The following ARHGAP15 variants were observed in gnomAD, a reference collection of about 807,000 sequenced individuals.
ARHGAP15 encodes rho GTPase-activating protein 15.
In ARHGAP15, 51 loss-of-function variants were observed where a neutral mutation model predicts 63.7. The ratio of observed to expected loss-of-function variants is 0.80; its 90% CI spans 0.64 to 1.01. The LOEUF (loss-of-function observed/expected upper bound fraction) is 1.01, where lower values mean the gene tolerates loss of function less well. Among genes scored for constraint, ARHGAP15 ranks in the 50% least tolerant of loss-of-function variants. ARHGAP15 has a pLI of 0.00. For missense variants in ARHGAP15, 560 were observed against 564.6 expected (o/e 0.99, Z 0.08); for synonymous variants, 191 against 193.8 (o/e 0.99, Z 0.12).
intron 6 of ARHGAP15, among the ~76,000 whole-genome samples, chr2:143,259,084 A>G (rs923813616): frequency 6.6e-6 from 1 of 151,956 alleles, no homozygotes; most frequent in Non-Finnish European, 1.5e-5. Context: ...CATGCCCTTG[A>G]TCAAGTAAAA....
chr2:143,373,561 C>T (rs1389052747), intron 6 of ARHGAP15, among the ~76,000 whole-genome samples: 5 of 134,336 alleles, frequency 3.7e-5, no homozygotes, highest in South Asian at 2.5e-4. Context: ...GCTGGGGAGG[C>T]GGAGCTTGCA....
intron 2 of ARHGAP15, among the ~76,000 whole-genome samples, chr2:143,199,974 G>A (rs974211347): frequency 3.3e-5 from 5 of 152,040 alleles, no homozygotes; most frequent in Non-Finnish European, 7.4e-5. Flanking sequence ...TCCCTACCAC[G>A]TCCAATGGAC....
At chr2:143,536,693 G>A (rs1463536577) in intron 10 of ARHGAP15, among the ~76,000 whole-genome samples, 1 of 151,982 alleles carries the variant, frequency 6.6e-6, no homozygotes, top group Non-Finnish European at 1.5e-5. Flanking sequence ...TCCCTACAAA[G>A]AACATGAACT....
At chr2:143,417,253 T>G (rs1160142163) in intron 6 of ARHGAP15, among the ~76,000 whole-genome samples, 2 of 152,150 alleles carry the variant, frequency 1.3e-5, no homozygotes, top group Non-Finnish European at 2.9e-5. Context: ...TAATTGCATT[T>G]TGTAATTTAT....
chr2:143,218,672 C>T (rs950331536), intron 4 of ARHGAP15, among the ~76,000 whole-genome samples: 8 of 152,090 alleles, frequency 5.3e-5, no homozygotes, highest in East Asian at 3.8e-4. Flanking sequence ...TAGAGACATG[C>T]GTCTCTTAAT....
chr2:143,742,878 T>A (rs1436496888), intron 13 of ARHGAP15, among the ~76,000 whole-genome samples: 1 of 152,194 alleles, frequency 6.6e-6, no homozygotes, highest in Non-Finnish European at 1.5e-5. Flanking sequence ...CCACGACTGC[T>A]CATATTCTCC....
intron 6 of ARHGAP15, among the ~76,000 whole-genome samples, chr2:143,364,088 T>C (rs148553655): frequency 4.6e-4 from 70 of 152,324 alleles, no homozygotes; most frequent in African/African-American, 1.6e-3. Context: ...TTATAAAGTA[T>C]TTGATGTTGT....
At chr2:143,624,048 A>G in intron 11 of ARHGAP15, 85 bp from the exon 12 acceptor site, 4 of 1,503,558 alleles carry the variant, frequency 2.7e-6, no homozygotes, top group Non-Finnish European at 3.6e-6. Flanking sequence ...TGCTGATGAT[A>G]GTAGGCAAAC....
intron 13 of ARHGAP15, among the ~76,000 whole-genome samples, chr2:143,744,980 T>C (rs1022550830): frequency 6.6e-6 from 1 of 152,212 alleles, no homozygotes; most frequent in South Asian, 2.1e-4. Context: ...TTACATAGAT[T>C]TCTCTAAAAT....
chr2:143,708,504 A>G (rs1302403580), intron 13 of ARHGAP15, among the ~76,000 whole-genome samples: 2 of 152,122 alleles, frequency 1.3e-5, no homozygotes, highest in Non-Finnish European at 2.9e-5. Flanking sequence ...AGTCCCAGTG[A>G]GACTATTTCA....
intron 9 of ARHGAP15, among the ~76,000 whole-genome samples, chr2:143,508,789 T>C (rs1202148021): frequency 6.6e-6 from 1 of 152,174 alleles, no homozygotes. Flanking sequence ...GCTGGTGTAA[T>C]CACCAAAATG....
chr2:143,232,667 G>T (rs1693493180), intron 5 of ARHGAP15, among the ~76,000 whole-genome samples: 2 of 152,088 alleles, frequency 1.3e-5, no homozygotes, highest in Non-Finnish European at 2.9e-5. Flanking sequence ...CCTATCAGTT[G>T]TCCCTTTGTC....
At chr2:143,765,766 T>C (rs1686927138) in intron 13 of ARHGAP15, among the ~76,000 whole-genome samples, 2 of 151,974 alleles carry the variant, frequency 1.3e-5, no homozygotes. Flanking sequence ...ACACTGACAG[T>C]GATGCTTCCA....
intron 10 of ARHGAP15, among the ~76,000 whole-genome samples, chr2:143,549,535 T>G (rs1695470009): frequency 6.6e-6 from 1 of 152,038 alleles, no homozygotes; most frequent in Non-Finnish European, 1.5e-5. Flanking sequence ...ACAGAAATTG[T>G]CAAGAGGGCA....
chr2:143,478,975 G>A (rs959028994), intron 8 of ARHGAP15, among the ~76,000 whole-genome samples: 2 of 152,186 alleles, frequency 1.3e-5, no homozygotes, highest in Non-Finnish European at 2.9e-5. Context: ...GGAATTTAGA[G>A]ATTTAAAGAA....
At chr2:143,416,321 C>T (rs191710760) in intron 6 of ARHGAP15, among the ~76,000 whole-genome samples, 2 of 152,206 alleles carry the variant, frequency 1.3e-5, no homozygotes, top group African/African-American at 4.8e-5. Flanking sequence ...CTGTATTCTC[C>T]AAGTCTTTCA....
At chr2:143,397,338 GTGTGTGTGTA>G (rs1459700835) in intron 6 of ARHGAP15, among the ~76,000 whole-genome samples, 7 of 148,730 alleles carry the variant, frequency 4.7e-5, no homozygotes, top group East Asian at 2.1e-4. Context: ...GTGTGTGTGT[GTGTGTGTGTA>G]TATATATATC....
chr2:143,451,269 T>A (rs1690395697), intron 8 of ARHGAP15, among the ~76,000 whole-genome samples: 1 of 151,894 alleles, frequency 6.6e-6, no homozygotes, highest in African/African-American at 2.4e-5. Context: ...GGATTTAAAT[T>A]TCCAGAATAT....
rs888169652 is a variant in ARHGAP15, at chr2:143,164,436, G to A, written c.165+8781G>A. Among the ~76,000 whole-genome samples the A allele has an allele frequency of 4.6e-5, 7 of 152,082 alleles. No individual in the cohort carries two copies. The East Asian group carries it at 1.2e-3, about 25-fold the overall frequency. On this transcript the variant is annotated intron_variant, in intron 2 of 13. Coordinates refer to ENST00000295095, the MANE Select transcript of ARHGAP15 (RefSeq NM_018460.4). ...ATCTTCTCTATATGAAATCTCATAT[G>A]CTTCTCCTTTGAGGTGATGGATTTT...
Sources: gnomAD v4.1 joint callset for allele counts (sites outside exome capture counted in the v4.1 genomes callset) on GRCh38, gnomAD v4.1.1 for gene constraint, MANE v1.5 for transcripts, NCBI Gene and HGNC (gene_info 2026-07-23, HGNC 2026-07-21) for gene names.